RGS3: variants seen among roughly 807,000 people sequenced by gnomAD.
RGS3 encodes regulator of G-protein signalling 3.
RGS3 carries 80 observed loss-of-function variants against 132.6 expected under a neutral mutation model. That is an observed-to-expected ratio of 0.60 (90% CI 0.50 to 0.73). The LOEUF (loss-of-function observed/expected upper bound fraction) is 0.73, where lower values mean the gene tolerates loss of function less well. RGS3 is among the 30% of genes least tolerant of loss of function. The pLI, the probability that RGS3 is intolerant of heterozygous loss-of-function variation, is 0.00. For missense variants in RGS3, 1,382 were observed against 1,530.8 expected (o/e 0.90, Z 1.62); for synonymous variants, 598 against 620.6 (o/e 0.96, Z 0.54).
At chr9:113,568,725 A>C (rs1156235856) in intron 19 of RGS3, among the ~76,000 whole-genome samples, 1 of 152,210 alleles carries the variant, frequency 6.6e-6, no homozygotes, top group African/African-American at 2.4e-5. Context: ...GAAAACCATC[A>C]TTCCTCCCAG....
Position 113,463,896 on chromosome 9 carries a change from G to A in RGS3, c.415+1695G>A. On this transcript the variant is annotated intron_variant, in intron 3 of 24. Transcript: ENST00000350696. This position sits in a 1 kb window ranked among gnomAD's most constrained non-coding sequence, Gnocchi z 4.6. ...CACCACCTTTGGTAAGTGCCCGCTGGGGCTGGCGGCAGGGGCTGCTTCACC... is the reference window on the plus strand; with the variant it reads ...CACCACCTTTGGTAAGTGCCCGCTGAGGCTGGCGGCAGGGGCTGCTTCACC... 1 of 1,612,410 alleles carries A rather than the reference G, an allele frequency of 6.2e-7. No homozygotes were observed. Among genetic ancestry groups the A allele is most frequent in the Middle Eastern group, 1.7e-4 (1 of 6,056 alleles).
At chr9:113,490,287 T>C (rs1020856505) in intron 7 of RGS3, among the ~76,000 whole-genome samples, 2 of 152,130 alleles carry the variant, frequency 1.3e-5, no homozygotes, top group African/African-American at 4.8e-5. Flanking sequence ...CAATTATCAA[T>C]ATATGGCCAA....
intron 21 of RGS3, chr9:113,592,493 C>A: frequency 6.6e-6 from 1 of 152,066 alleles, no homozygotes. Flanking sequence ...GCCTGAAGCC[C>A]ACACTTTTTT....
chr9:113,581,070 G>A (rs1451393844), intron 19 of RGS3: 1 of 918,574 alleles, frequency 1.1e-6, no homozygotes, highest in Non-Finnish European at 1.3e-6. Flanking sequence ...TGATAGGACT[G>A]AGGGGCCCCA....
At chr9:113,483,607 A>G (rs879854379) in intron 5 of RGS3, among the ~76,000 whole-genome samples, 11 of 152,174 alleles carry the variant, frequency 7.2e-5, no homozygotes, top group African/African-American at 1.7e-4. Flanking sequence ...GGAGCTTCCT[A>G]AAGTGTGGCA....
At chr9:113,467,249 A>G (rs1424036092) in intron 3 of RGS3, among the ~76,000 whole-genome samples, 2 of 152,218 alleles carry the variant, frequency 1.3e-5, no homozygotes, top group Non-Finnish European at 2.9e-5. Context: ...TATACCTAGG[A>G]GTAGATTTGC....
rs1834706636 is a variant in RGS3 at position 113,579,844 on chromosome 9, T to C, written c.2038-3606T>C. On this transcript the variant is annotated intron_variant, in intron 19 of 24. Transcript: ENST00000350696. The surrounding 1 kb of genome is among the most constrained non-coding windows in gnomAD (Gnocchi z 4.3). ...CCCAGTCCTCCCTGCCATCCACACA[T>C]CCTGCCCACATTCCCCAGAGCAGCT... Among the ~76,000 whole-genome samples, 1 of 152,296 alleles carries C rather than the reference T, an allele frequency of 6.6e-6. No homozygotes were observed. The highest frequency in any genetic ancestry group is 2.4e-5 in the African/African-American group (1 of 41,564).
At chr9:113,451,822 G>C (rs1012332630) in intron 1 of RGS3, among the ~76,000 whole-genome samples, 3 of 149,144 alleles carry the variant, frequency 2.0e-5, no homozygotes, top group African/African-American at 7.4e-5. Context: ...TGTAGATCCA[G>C]ACTTCCATAT....
chr9:113,544,968 T>C (rs961010423), intron 19 of RGS3, among the ~76,000 whole-genome samples: 1 of 152,216 alleles, frequency 6.6e-6, no homozygotes, highest in African/African-American at 2.4e-5. Flanking sequence ...ATGCCTTATT[T>C]TCCACCCAGT....
chr9:113,543,124 G>T (rs945734150), intron 19 of RGS3, among the ~76,000 whole-genome samples: 1 of 152,236 alleles, frequency 6.6e-6, no homozygotes, highest in Non-Finnish European at 1.5e-5. Context: ...GGGCAAAAGG[G>T]TATCAAGAGG....
chr9:113,595,827 G>A (rs2119070428), intron 24 of RGS3, 62 bp downstream of exon 22: 3 of 1,562,374 alleles, frequency 1.9e-6, no homozygotes, highest in Middle Eastern at 2.1e-4. Flanking sequence ...CCCTTCAGCT[G>A]CAAGGTGGCA....
At chr9:113,500,175 A>C (rs985574933) in intron 10 of RGS3, among the ~76,000 whole-genome samples, 1 of 152,224 alleles carries the variant, frequency 6.6e-6, no homozygotes, top group African/African-American at 2.4e-5. Context: ...TTATGTGCTC[A>C]GAGATGTCTG....
intron 8 of RGS3, 27 bp downstream of exon 6, chr9:113,495,873 G>C: frequency 6.3e-7 from 1 of 1,597,910 alleles, no homozygotes; most frequent in South Asian, 1.1e-5. Flanking sequence ...CTTCTGTCAG[G>C]ATCATCCCAA....
upstream of RGS3, among the ~76,000 whole-genome samples, chr9:113,459,774 C>T (rs10981789): frequency 0.087 from 13,173 of 152,010 alleles, 658 homozygotes; most frequent in Non-Finnish European, 0.097. Context: ...CTCAGTGGCT[C>T]ACACCTGTAG....
intron 3 of RGS3, among the ~76,000 whole-genome samples, chr9:113,462,695 G>A (rs1436485819): frequency 1.3e-5 from 2 of 152,182 alleles, no homozygotes; most frequent in African/African-American, 4.8e-5. Context: ...CTGAGATGAT[G>A]TGTGTAAATT....
In RGS3 at chr9:113,497,419, C is replaced by A. The variant is rs374089707; in HGVS notation, c.841+15C>A. On this transcript the variant is annotated intron_variant, in intron 9 of 24. Coordinates refer to ENST00000350696, the Ensembl canonical transcript of RGS3. ...GCCGCTGAGAGGTACCTGCACACCCCCTTCAGCTTCCCTTCCCAGGACCTG... is the reference window on the plus strand; with the variant it reads ...GCCGCTGAGAGGTACCTGCACACCCACTTCAGCTTCCCTTCCCAGGACCTG... 2 of 1,607,590 alleles carry A rather than the reference C, an allele frequency of 1.2e-6. No homozygotes were observed. Among genetic ancestry groups the A allele is most frequent in the Non-Finnish European group, 1.7e-6 (2 of 1,176,304 alleles).
At chr9:113,461,895 TC>T (rs1422149833) in intron 2 of RGS3, 3 of 1,571,926 alleles carry the variant, frequency 1.9e-6, no homozygotes, top group African/African-American at 2.7e-5. Context: ...CCTTCCCTTT[TC>T]CCTGTGGGCC....
At position 113,574,343 on chromosome 9, in the gene RGS3, C is replaced by T. The variant is rs557956273; in HGVS notation, c.2038-9107C>T. 2.0e-5 allele frequency among the ~76,000 whole-genome samples: 3 copies of T among 152,334 alleles called. No homozygotes were observed. The East Asian group carries it at 5.8e-4, about 29-fold the overall frequency. Reference sequence around the variant, plus strand: ...AATATCCTGTCCCATCTTTTCCCCCCTATTACCTCCTCCCAGAGCCATCCT... The same window carrying T: ...AATATCCTGTCCCATCTTTTCCCCCTTATTACCTCCTCCCAGAGCCATCCT... On this transcript the variant is annotated intron_variant, in intron 19 of 24. Coordinates refer to ENST00000350696, the Ensembl canonical transcript of RGS3.
rs373281489 is a variant in RGS3, at chr9:113,507,349, C to G, written c.1148C>G (p.Pro383Arg). ...ATGGTCCCCCAGGTCAAGCCAGGAC[C>G]AGATGGCGGGGTCCTGCGGCGGGCC... Residue 383 changes from proline (P) to arginine (R), a missense_variant, in exon 13 of 25, where the codon CCA becomes CGA. Pro to Arg is a moderately radical substitution (Grantham distance 103). Transcript: ENST00000350696. This position sits in a 1 kb window ranked among gnomAD's most constrained non-coding sequence, Gnocchi z 5.0. 1 of 1,613,916 alleles carries G rather than the reference C, an allele frequency of 6.2e-7. No homozygotes were observed.
Sources: allele counts gnomAD v4.1 joint callset (sites outside exome capture counted in the v4.1 genomes callset), GRCh38; gene constraint gnomAD v4.1.1; non-coding constraint Gnocchi (gnomAD v3.1); transcripts MANE v1.5; gene names NCBI Gene and HGNC (gene_info 2026-07-23, HGNC 2026-07-21).